Variants in CNTN4 observed in about 807,000 individuals in gnomAD.
CNTN4 encodes the protein contactin 4.
CNTN4 carries 77 observed loss-of-function variants against 122.5 expected under a neutral mutation model. The observed-to-expected ratio is 0.63, with a 90% CI of 0.52 to 0.76. The LOEUF is 0.76. Among genes scored for constraint, CNTN4 ranks in the 30% least tolerant of loss-of-function variants. The pLI is 0.00. For missense variants in CNTN4, 1,256 were observed against 1,259.1 expected (o/e 1.00, Z 0.04); for synonymous variants, 512 against 447.0 (o/e 1.15, Z -1.83).
In CNTN4 at chr3:2,533,850, T is replaced by G. The variant is rs373719732; in HGVS notation, c.-88-37566T>G. Among the ~76,000 whole-genome samples, 913 of 152,034 alleles carry G rather than the reference T, an allele frequency of 6.0e-3. 10 individuals are homozygous for G. Among genetic ancestry groups the G allele is most frequent in the African/African-American group, 0.021 (875 of 41,520 alleles). ...CATTGTGGTTTTGATTTGCATTTCT[T>G]TGATGACCAGTGATGATGAGCATTT... On this transcript the variant is annotated intron_variant, in intron 3 of 24. Coordinates refer to ENST00000418658, the MANE Select transcript of CNTN4 (RefSeq NM_175607.3).
At chr3:2,405,190 G>A (rs2046988684) in intron 3 of CNTN4, among the ~76,000 whole-genome samples, 1 of 152,164 alleles carries the variant, frequency 6.6e-6, no homozygotes, top group Non-Finnish European at 1.5e-5. Context: ...GTTTGGGGGA[G>A]TAAAAATACA....
At chr3:2,783,035 T>C (rs1316201363) in intron 6 of CNTN4, among the ~76,000 whole-genome samples, 1 of 152,102 alleles carries the variant, frequency 6.6e-6, no homozygotes, top group Non-Finnish European at 1.5e-5. Context: ...TCACAGCACT[T>C]TGGGAGGCAG....
At position 2,141,509 on chromosome 3, in the gene CNTN4, A is replaced by G. The variant is rs183725356; in HGVS notation, c.-145+40870A>G. Among the ~76,000 whole-genome samples, 49 of 152,264 alleles carry G rather than the reference A, an allele frequency of 3.2e-4. 2 individuals are homozygous for G. The highest frequency in any genetic ancestry group is 1.1e-3 in the African/African-American group (45 of 41,560). Reference sequence around the variant, plus strand: ...CCAGTCTTAATTGTAGCCCAGTGAGACCCATTTTAGACTTCTGATTTCCAG... The same window carrying G: ...CCAGTCTTAATTGTAGCCCAGTGAGGCCCATTTTAGACTTCTGATTTCCAG... On this transcript the variant is annotated intron_variant, in intron 2 of 24. Coordinates refer to ENST00000418658, the MANE Select transcript of CNTN4 (RefSeq NM_175607.3).
At chr3:2,409,391 G>T (rs35493556) in intron 3 of CNTN4, among the ~76,000 whole-genome samples, 29,150 of 151,822 alleles carry the variant, frequency 0.19, 3,525 homozygotes, top group Middle Eastern at 0.29. Context: ...GGGACTACAG[G>T]CGCCCGCCAC....
intron 3 of CNTN4, among the ~76,000 whole-genome samples, chr3:2,388,090 T>A: frequency 6.6e-6 from 1 of 152,198 alleles, no homozygotes; most frequent in East Asian, 1.9e-4. Flanking sequence ...ATATATGAAA[T>A]TAAAAAATTT....
intron 3 of CNTN4, among the ~76,000 whole-genome samples, chr3:2,348,460 C>G (rs75559749): frequency 0.13 from 19,357 of 152,162 alleles, 1,533 homozygotes; most frequent in Non-Finnish European, 0.18. Context: ...CCCTGGCTCA[C>G]CAGCCCTCAG....
intron 3 of CNTN4, among the ~76,000 whole-genome samples, chr3:2,495,136 C>A (rs1456013458): frequency 1.3e-5 from 2 of 152,176 alleles, no homozygotes; most frequent in Admixed American, 1.3e-4. Flanking sequence ...ATGCCGCCTT[C>A]AACATCATAA....
intron 4 of CNTN4, among the ~76,000 whole-genome samples, chr3:2,639,132 AAAAACT>A (rs2082792622): frequency 6.6e-6 from 1 of 152,152 alleles, no homozygotes; most frequent in East Asian, 1.9e-4. Flanking sequence ...TTTTTTCTTC[AAAAACT>A]TGCATTGACT....
At chr3:2,503,852 G>A (rs2076662634) in intron 3 of CNTN4, among the ~76,000 whole-genome samples, 1 of 152,036 alleles carries the variant, frequency 6.6e-6, no homozygotes, top group Non-Finnish European at 1.5e-5. Flanking sequence ...GGAGGTTACT[G>A]GGGGGTTGGG....
intron 13 of CNTN4, among the ~76,000 whole-genome samples, chr3:2,974,198 G>A (rs538543644): frequency 1.4e-4 from 22 of 152,220 alleles, no homozygotes; most frequent in African/African-American, 5.3e-4. Context: ...CCTTAGGTGG[G>A]TTTTTATCAC....
intron 13 of CNTN4, among the ~76,000 whole-genome samples, chr3:2,954,966 C>T (rs894529509): frequency 2.0e-5 from 3 of 152,064 alleles, no homozygotes; most frequent in Admixed American, 1.3e-4. Context: ...CCCCCTGCCC[C>T]GCACCACCCC....
intron 4 of CNTN4, among the ~76,000 whole-genome samples, chr3:2,667,863 T>G (rs1176349968): frequency 6.6e-6 from 1 of 152,108 alleles, no homozygotes; most frequent in African/African-American, 2.4e-5. Context: ...TTTGCCCATT[T>G]CTTGTTTTTA....
At chr3:2,213,972 C>G (rs1473671486) in intron 2 of CNTN4, among the ~76,000 whole-genome samples, 1 of 152,112 alleles carries the variant, frequency 6.6e-6, no homozygotes, top group Non-Finnish European at 1.5e-5. Context: ...TGCTTGGAGG[C>G]TTATTTCGTA....
At chr3:2,636,600 A>T (rs1022722461) in intron 4 of CNTN4, among the ~76,000 whole-genome samples, 1 of 152,206 alleles carries the variant, frequency 6.6e-6, no homozygotes. Context: ...ACCCAAACTC[A>T]TATCTGTTTA....
chr3:2,710,984 A>G (rs1226883600), intron 4 of CNTN4, among the ~76,000 whole-genome samples: 1 of 152,238 alleles, frequency 6.6e-6, no homozygotes, highest in South Asian at 2.1e-4. Context: ...CATTAAATCA[A>G]TAAAATGGCA....
chr3:2,933,071 C>T (rs2151438340), intron 13 of CNTN4, among the ~76,000 whole-genome samples: 1 of 152,228 alleles, frequency 6.6e-6, no homozygotes, highest in African/African-American at 2.4e-5. Context: ...ATCCGCCCGC[C>T]TCGGCCTCCC....
chr3:2,803,402 C>T (rs1034013249), intron 6 of CNTN4, among the ~76,000 whole-genome samples: 107 of 152,112 alleles, frequency 7.0e-4, no homozygotes, highest in African/African-American at 2.5e-3. Flanking sequence ...ATTTTCCACT[C>T]TTAAATATAC....
intron 2 of CNTN4, among the ~76,000 whole-genome samples, chr3:2,313,730 G>T (rs542388314): frequency 6.6e-6 from 1 of 152,058 alleles, no homozygotes; most frequent in Non-Finnish European, 1.5e-5. Context: ...AAAATAATTA[G>T]TAGTGTAGTA....
chr3:2,403,248 G>A (rs1194791073), intron 3 of CNTN4, among the ~76,000 whole-genome samples: 4 of 151,902 alleles, frequency 2.6e-5, no homozygotes, highest in African/African-American at 9.7e-5. Flanking sequence ...CCTTACACTA[G>A]ATATAACCTC....
Sources: gnomAD v4.1 joint callset for allele counts (sites outside exome capture counted in the v4.1 genomes callset) on GRCh38, gnomAD v4.1.1 for gene constraint, MANE v1.5 for transcripts, NCBI Gene and HGNC (gene_info 2026-07-23, HGNC 2026-07-21) for gene names.